Variants in C2CD3 observed in about 807,000 individuals in gnomAD.
The protein encoded by C2CD3 is C2 domain containing 3 centriole elongation regulator, also known as C2 domain-containing protein 3.
Under a neutral mutation model 234.0 loss-of-function variants are expected in C2CD3, and 148 were observed. That is an observed-to-expected ratio of 0.63 (90% CI 0.55 to 0.72). The LOEUF is 0.72. Ranked by LOEUF, C2CD3 falls within the 30% of genes least tolerant of loss-of-function variation. The probability of loss-of-function intolerance (pLI) is 0.00; values close to 1 mark genes in which losing one functional copy is unlikely to be tolerated. For missense variants in C2CD3, 2,577 were observed against 2,811.5 expected (o/e 0.92, Z 1.89); for synonymous variants, 1,000 against 1,035.4 (o/e 0.97, Z 0.66).
intron 32 of C2CD3, among the ~76,000 whole-genome samples, chr11:74,023,013 A>G (rs1685339): frequency 0.076 from 11,624 of 152,268 alleles, 1,454 homozygotes; most frequent in African/African-American, 0.26. Flanking sequence ...GACAGATGAG[A>G]AAGCAGACTC....
At chr11:74,082,618 C>T (rs1955438226) in intron 22 of C2CD3, among the ~76,000 whole-genome samples, 1 of 152,108 alleles carries the variant, frequency 6.6e-6, no homozygotes, top group African/African-American at 2.4e-5. Flanking sequence ...ACCAGCCTTG[C>T]ATCCCAGGGA....
At chr11:74,017,499 G>A (rs1274357079) in intron 32 of C2CD3, among the ~76,000 whole-genome samples, 2 of 152,196 alleles carry the variant, frequency 1.3e-5, no homozygotes, top group African/African-American at 4.8e-5. Flanking sequence ...GGAGAAAATG[G>A]AGCACGTGGA....
chr11:74,092,974 G>T (rs1054245852), intron 18 of C2CD3, among the ~76,000 whole-genome samples: 9 of 152,088 alleles, frequency 5.9e-5, no homozygotes, highest in African/African-American at 2.2e-4. Flanking sequence ...GGGTAATGAG[G>T]ATCTGTCAGT....
At chr11:74,170,717 A>T in intron 1 of C2CD3, 21 bp downstream of exon 1, 1 of 1,613,814 alleles carries the variant, frequency 6.2e-7, no homozygotes, top group Non-Finnish European at 8.5e-7. Context: ...GCTTTCCTCA[A>T]TCTTTGATCG....
intron 32 of C2CD3, among the ~76,000 whole-genome samples, chr11:74,020,075 AAC>A (rs1952026384): frequency 6.6e-6 from 1 of 152,212 alleles, no homozygotes; most frequent in Admixed American, 6.5e-5. Flanking sequence ...CCTTATGAAT[AAC>A]AGTGTCTGGC....
chr11:74,103,271 C>T lies in C2CD3; in HGVS notation c.2440G>A (p.Gly814Arg). The part of the protein sequence containing the change: ...LLHVLLMVPD[G>R]KDFISGESEK... ...GATTCTCCACTAATAAAATCTTTCC[C>T]ATCTGGCACCATCAACAGCACATGC... The change falls in exon 14 of 33, where the codon GGG (glycine) becomes AGG (arginine). Residue 814 changes from glycine to arginine, a missense_variant. Physicochemically the swap from Gly to Arg is moderately radical, Grantham distance 125 (BLOSUM62 -2). Transcript: ENST00000334126. The T allele has an allele frequency of 6.2e-7, 1 of 1,614,174 alleles. No homozygotes were observed. The highest frequency in any genetic ancestry group is 8.5e-7 in the Non-Finnish European group (1 of 1,180,026).
intron 8 of C2CD3, 119 bp from the exon 9 acceptor site, chr11:74,118,501 G>A (rs1403833732): frequency 1.6e-6 from 1 of 624,594 alleles, no homozygotes; most frequent in African/African-American, 1.9e-5. Context: ...CTTAAAGAAA[G>A]AACTGACACC....
At chr11:74,107,004 C>A (rs1317209473) in intron 12 of C2CD3, among the ~76,000 whole-genome samples, 1 of 152,244 alleles carries the variant, frequency 6.6e-6, no homozygotes, top group South Asian at 2.1e-4. Context: ...CCAGTAATTC[C>A]ATTTCTGGGA....
At chr11:74,055,136 A>G (rs1953895648) in intron 25 of C2CD3, among the ~76,000 whole-genome samples, 1 of 152,352 alleles carries the variant, frequency 6.6e-6, no homozygotes, top group South Asian at 2.1e-4. Context: ...ACAAAAGCCT[A>G]TAACATGGAC....
chr11:74,070,459 G>A (rs1315743972), intron 24 of C2CD3: 1 of 152,176 alleles, frequency 6.6e-6, no homozygotes, highest in Non-Finnish European at 1.5e-5. Context: ...CACTATTAAG[G>A]CAAGAGGAAA....
At chr11:74,146,124 T>C (rs558175444) in intron 3 of C2CD3, among the ~76,000 whole-genome samples, 2 of 151,942 alleles carry the variant, frequency 1.3e-5, no homozygotes, top group African/African-American at 4.9e-5. Flanking sequence ...TAAACTGTTA[T>C]TTTTTTAAGT....
chr11:74,123,735 A>G (rs1590872685), intron 7 of C2CD3, among the ~76,000 whole-genome samples: 1 of 134,562 alleles, frequency 7.4e-6, no homozygotes, highest in South Asian at 2.2e-4. Context: ...CCACGCTGGT[A>G]TCTTTTTTTT....
rs183485506 is a variant in C2CD3 at position 74,110,005 on chromosome 11, G to A, written c.1844-853C>T. On this transcript the variant is annotated intron_variant, in intron 11 of 32. Coordinates refer to ENST00000334126, the MANE Select transcript of C2CD3 (RefSeq NM_001286577.2). ...CTAAGGCAGGAGAGTGGCGTGAACC[G>A]GGGAAGCAGAGCTTGCAGTGAGCCT... Among the ~76,000 whole-genome samples the A allele has an allele frequency of 3.3e-4, 49 of 146,688 alleles. No individual in the cohort carries two copies. In the East Asian group the frequency reaches 7.8e-3, roughly 23 times the overall value.
chr11:74,085,832 A>G lies in C2CD3; in HGVS notation c.3696T>C (p.Asn1232=), dbSNP rs1955616850. ...AGGAGAGATGAGTGGTGACAGAGGC[A>G]TTGACCCCGACTGTGGCACTAAACT... ...ALQFSATVGV[N]ASVTTHLSFL... Residue 1232 remains asparagine, a synonymous_variant, in exon 21 of 33, where the codon AAT becomes AAC. Transcript: ENST00000334126. 1.9e-6 allele frequency: 3 copies of G among 1,614,008 alleles called. No homozygotes were observed. Among genetic ancestry groups the G allele is most frequent in the Non-Finnish European group, 2.5e-6 (3 of 1,180,024 alleles).
At chr11:74,039,134 G>A (rs1952887181) in intron 29 of C2CD3, among the ~76,000 whole-genome samples, 1 of 152,126 alleles carries the variant, frequency 6.6e-6, no homozygotes, top group African/African-American at 2.4e-5. Flanking sequence ...ATCTGCAGGA[G>A]GAACATGCAA....
intron 32 of C2CD3, among the ~76,000 whole-genome samples, chr11:74,028,078 C>T (rs376794799): frequency 3.3e-5 from 5 of 152,274 alleles, no homozygotes; most frequent in Admixed American, 2.6e-4. Flanking sequence ...GCTGACAATG[C>T]CCTGCTCTTG....
chr11:74,021,114 T>A (rs989727098), intron 32 of C2CD3, among the ~76,000 whole-genome samples: 1 of 152,114 alleles, frequency 6.6e-6, no homozygotes, highest in Non-Finnish European at 1.5e-5. Flanking sequence ...AGTTTTGGTC[T>A]GAACAACTCA....
intron 7 of C2CD3, chr11:74,128,531 A>G (rs1218991071): frequency 6.6e-6 from 1 of 152,384 alleles, no homozygotes; most frequent in African/African-American, 2.4e-5. Context: ...GCTGTTTGAT[A>G]CATTTTATTT....
chr11:74,114,516 G>GCCA lies in C2CD3; in HGVS notation c.1595_1597dup (p.Leu532_Ala533insVal), dbSNP rs1018604737. 1 of 1,613,566 alleles carries GCCA rather than the reference G, an allele frequency of 6.2e-7. No individual in the cohort carries two copies. The highest frequency in any genetic ancestry group is 1.3e-5 in the African/African-American group (1 of 74,878). On this transcript the variant is annotated inframe_insertion, in exon 10 of 33. Transcript: ENST00000334126. ...GACTGAATGTGTTCTACCCAAAAGG[G>GCCA]CCAGTCTATCCACACTTAGTGTCAT...
Sources: gnomAD v4.1 joint callset for allele counts (sites outside exome capture counted in the v4.1 genomes callset) on GRCh38, gnomAD v4.1.1 for gene constraint, MANE v1.5 for transcripts, NCBI Gene and HGNC (gene_info 2026-07-23, HGNC 2026-07-21) for gene names.